The following CDH26 variants were observed in gnomAD, a reference collection of about 807,000 sequenced individuals.
CDH26 encodes cadherin 26, also known as cadherin-like protein 26.
CDH26 carries 83 observed loss-of-function variants against 90.3 expected under a neutral mutation model. The ratio of observed to expected loss-of-function variants is 0.92; its 90% CI spans 0.77 to 1.10. CDH26 has a LOEUF of 1.10. CDH26 is among the 50% of genes least tolerant of loss of function. The pLI is 0.00. For synonymous variants in CDH26, 397 were observed against 396.3 expected (o/e 1.00, Z -0.02); for missense variants, 1,013 against 1,037.6 (o/e 0.98, Z 0.33).
At chr20:60,014,999 T>C (rs969206245), downstream of CDH26, among the ~76,000 whole-genome samples, 4 of 152,240 alleles carry the variant, frequency 2.6e-5, no homozygotes, top group Non-Finnish European at 4.4e-5. Flanking sequence ...AAAATTTTGT[T>C]TGAGACAAAG....
chr20:59,983,061 C>G lies in CDH26; in HGVS notation c.532C>G (p.Gln178Glu), dbSNP rs1289258861. 6.2e-7 allele frequency: 1 copy of G among 1,613,948 alleles called. No homozygotes were observed. Among genetic ancestry groups the G allele is most frequent in the South Asian group, 1.1e-5 (1 of 91,044 alleles). Reference protein sequence around the residue: ...KEFNITVQENQSAGQPIFQML... With the variant: ...KEFNITVQENESAGQPIFQML... The stretch of plus-strand genomic sequence containing the variant: ...ATTTAACATCACTGTGCAAGAAAAC[C>G]AATCTGCAGGTGTGTGCGGCTGGGG... The change falls in exon 5 of 18, where the codon CAA becomes GAA. Residue 178 changes from glutamine to glutamate, a missense_variant. Coordinates refer to ENST00000348616, the MANE Select transcript of CDH26 (RefSeq NM_177980.4).
chr20:59,968,055 C>CTCTG (rs1324968760), intron 1 of CDH26, among the ~76,000 whole-genome samples: 2 of 136,138 alleles, frequency 1.5e-5, no homozygotes, highest in Admixed American at 7.6e-5. Flanking sequence ...CTCTCTCTGT[C>CTCTG]TCTCTCTCTC....
chr20:60,006,929 T>G (rs2061761616), intron 17 of CDH26, 142 bp downstream of exon 17: 2 of 638,158 alleles, frequency 3.1e-6, no homozygotes, highest in Non-Finnish European at 5.6e-6. Flanking sequence ...ATAGCCTGAC[T>G]GGTGGCTTAA....
intron 7 of CDH26, among the ~76,000 whole-genome samples, chr20:60,021,255 C>T (rs1428105367): frequency 6.6e-6 from 1 of 152,160 alleles, no homozygotes; most frequent in Non-Finnish European, 1.5e-5. Flanking sequence ...TCTAGATTTG[C>T]CTTACTACCA....
intron 4 of CDH26, among the ~76,000 whole-genome samples, chr20:59,975,102 G>A (rs2061312666): frequency 6.6e-6 from 1 of 152,146 alleles, no homozygotes; most frequent in South Asian, 2.1e-4. Flanking sequence ...GCTGGGTGTT[G>A]TGAGTTGAAT....
chr20:59,999,700 A>G, intron 14 of CDH26, 37 bp downstream of exon 14: 2 of 1,598,770 alleles, frequency 1.3e-6, no homozygotes, highest in Admixed American at 1.7e-5. Context: ...ATTTCAGAGA[A>G]GTGACTTTCC....
intron 4 of CDH26, among the ~76,000 whole-genome samples, chr20:59,980,985 C>T (rs1375982142): frequency 6.6e-6 from 1 of 151,892 alleles, no homozygotes; most frequent in Non-Finnish European, 1.5e-5. Context: ...CTAATTGTTT[C>T]AGAATCATGT....
At chr20:59,986,905 T>A (rs564463284) in intron 7 of CDH26, among the ~76,000 whole-genome samples, 12 of 152,346 alleles carry the variant, frequency 7.9e-5, no homozygotes, top group African/African-American at 2.9e-4. Flanking sequence ...TCAAAATCTT[T>A]TCCTGGCTTG....
At chr20:60,031,524 C>T (rs747468863) in intron 8 of CDH26, 1 of 1,028,858 alleles carries the variant, frequency 9.7e-7, no homozygotes, top group Non-Finnish European at 1.2e-6. Flanking sequence ...AGAATTAAAT[C>T]AATTGAATTA....
intron 1 of CDH26, among the ~76,000 whole-genome samples, chr20:59,968,008 TTTCTTC>T (rs2061196461): frequency 2.2e-5 from 3 of 133,500 alleles, no homozygotes; most frequent in East Asian, 2.2e-4. Context: ...TCTTTCTTTC[TTTCTTC>T]CTTTCTCTCT....
chr20:59,988,470 A>G (rs1010540728), intron 8 of CDH26, among the ~76,000 whole-genome samples: 18 of 152,238 alleles, frequency 1.2e-4, no homozygotes, highest in African/African-American at 4.1e-4. Context: ...ACGCTGCACC[A>G]GATGCCTGGG....
At chr20:60,022,803 A>G (rs1288674768) in intron 7 of CDH26, among the ~76,000 whole-genome samples, 2 of 151,640 alleles carry the variant, frequency 1.3e-5, no homozygotes, top group African/African-American at 2.4e-5. Flanking sequence ...TGGAGCCATG[A>G]AAACAGTCCT....
chr20:59,973,282 G>A (rs556619135), intron 4 of CDH26, among the ~76,000 whole-genome samples: 19 of 152,332 alleles, frequency 1.2e-4, no homozygotes, highest in East Asian at 3.9e-4. Flanking sequence ...ATTGAGTAGG[G>A]AGGACCTAGT....
In CDH26 at chr20:60,011,083, C is replaced by T. The variant is rs151186118; in HGVS notation, c.2296-1444C>T. On this transcript the variant is annotated intron_variant, in intron 17 of 17. Coordinates refer to ENST00000348616, the MANE Select transcript of CDH26 (RefSeq NM_177980.4). ...ATGAGTTTAGTGAACTTGCCACTCTCGCCCCAATGAGTGGAGATAGGGACC... is the reference window on the plus strand; with the variant it reads ...ATGAGTTTAGTGAACTTGCCACTCTTGCCCCAATGAGTGGAGATAGGGACC... Among the ~76,000 whole-genome samples the T allele has an allele frequency of 3.1e-3, 475 of 152,266 alleles. 2 individuals carry two copies. Among genetic ancestry groups the T allele is most frequent in the Non-Finnish European group, 4.9e-3 (332 of 68,028 alleles).
chr20:60,009,547 C>T (rs1476046699), intron 17 of CDH26, among the ~76,000 whole-genome samples: 1 of 152,124 alleles, frequency 6.6e-6, no homozygotes, highest in Admixed American at 6.5e-5. Flanking sequence ...CAGCCGCGGG[C>T]CCCCCTCCTC....
In CDH26 at chr20:59,989,036, C is replaced by G. The variant is rs1251220249; in HGVS notation, c.1156C>G (p.Gln386Glu). ...AGCAGCCAGCGCCACTGTGAGTGTG[C>G]AGGTGACAGACGCCAACGACCCACC... ...KAAASATVSV[Q>E]VTDANDPPAF... The change falls in exon 9 of 18, where the codon CAG becomes GAG. Residue 386 changes from glutamine (Q) to glutamate (E), a missense_variant. By Grantham distance (29) the Gln-to-Glu change is conservative. Coordinates refer to ENST00000348616, the MANE Select transcript of CDH26 (RefSeq NM_177980.4). 1 of 1,614,200 alleles carries G rather than the reference C, an allele frequency of 6.2e-7. No homozygotes were observed. Among genetic ancestry groups the G allele is most frequent in the African/African-American group, 1.3e-5 (1 of 75,052 alleles).
intron 8 of CDH26, among the ~76,000 whole-genome samples, chr20:60,031,911 G>A (rs924033119): frequency 2.0e-5 from 3 of 152,150 alleles, no homozygotes; most frequent in Non-Finnish European, 4.4e-5. Flanking sequence ...GCTTCTATTA[G>A]CTTTCATGAC....
intron 1 of CDH26, 146 bp downstream of exon 1, chr20:59,958,941 A>G: frequency 1.4e-6 from 1 of 733,864 alleles, no homozygotes; most frequent in Middle Eastern, 3.8e-4. Flanking sequence ...AGAATGGCTT[A>G]GGTAGCAGGG....
chr20:59,970,486 CTT>C (rs565962791), intron 3 of CDH26, among the ~76,000 whole-genome samples: 2 of 141,292 alleles, frequency 1.4e-5, no homozygotes, highest in Admixed American at 7.1e-5. Context: ...CATGCAGAGG[CTT>C]TTTTTTTTTT....
Sources: allele counts gnomAD v4.1 joint callset (sites outside exome capture counted in the v4.1 genomes callset), GRCh38; gene constraint gnomAD v4.1.1; transcripts MANE v1.5; gene names NCBI Gene and HGNC (gene_info 2026-07-23, HGNC 2026-07-21).